The following PCDHA1 variants were observed in gnomAD, a reference collection of about 807,000 sequenced individuals.
PCDHA1 encodes protocadherin alpha 1.
Under a neutral mutation model 61.3 loss-of-function variants are expected in PCDHA1, and 42 were observed. The ratio of observed to expected loss-of-function variants is 0.69; its 90% CI spans 0.54 to 0.89. The LOEUF is 0.89. PCDHA1 is among the 40% of genes least tolerant of loss of function. The pLI is 0.00. For missense variants in PCDHA1, 1,256 were observed against 1,235.3 expected, an observed-to-expected ratio of 1.02 and a Z score of -0.25; for synonymous variants, 610 against 553.8, an observed-to-expected ratio of 1.10 and a Z score of -1.43.
At chr5:140,927,720 G>C (rs782475238) in intron 1 of PCDHA1, 8 of 1,614,056 alleles carry the variant, frequency 5.0e-6, no homozygotes, top group Non-Finnish European at 6.8e-6. Flanking sequence ...GCAACAGCAC[G>C]CAAGCAGAGC....
At chr5:140,856,497 G>GA (rs781946866) in intron 1 of PCDHA1, 1 of 1,598,346 alleles carries the variant, frequency 6.3e-7, no homozygotes, top group Admixed American at 1.7e-5. Flanking sequence ...CTTGACTCTC[G>GA]ATTTCCACTA....
intron 1 of PCDHA1, among the ~76,000 whole-genome samples, chr5:140,944,386 T>C (rs1228891284): frequency 6.6e-6 from 1 of 152,054 alleles, no homozygotes; most frequent in Admixed American, 6.6e-5. Flanking sequence ...GGAGTCTCAC[T>C]GTGTTATCCA....
rs782361286 is a variant in PCDHA1, at chr5:140,876,924, G to T, written c.2394+88240G>T. The T allele has an allele frequency of 4.3e-6, 7 of 1,613,704 alleles. No individual in the cohort carries two copies. The African/African-American group carries it at 5.3e-5, about 12-fold the overall frequency. The stretch of plus-strand genomic sequence containing the variant: ...CGGTGTCGGCATGGGACGCGGACGC[G>T]CAGAAGAACGCGCTGGTGTCCTACT... On this transcript the variant is annotated intron_variant, in intron 1 of 3. Coordinates refer to ENST00000504120, the MANE Select transcript of PCDHA1 (RefSeq NM_018900.4).
At chr5:140,822,168 G>C (rs2150114255) in intron 1 of PCDHA1, 1 of 1,614,262 alleles carries the variant, frequency 6.2e-7, no homozygotes, top group South Asian at 1.1e-5. Context: ...ATCCGCCCAG[G>C]TTCTCCAGAC....
At chr5:140,898,899 C>A (rs1457821018) in intron 1 of PCDHA1, among the ~76,000 whole-genome samples, 2 of 152,072 alleles carry the variant, frequency 1.3e-5, no homozygotes, top group Non-Finnish European at 2.9e-5. Context: ...TTGAAGAGGT[C>A]CTTCACGTCC....
chr5:140,900,062 A>C (rs1221394657), intron 1 of PCDHA1, among the ~76,000 whole-genome samples: 1 of 152,138 alleles, frequency 6.6e-6, no homozygotes, highest in Non-Finnish European at 1.5e-5. Flanking sequence ...CTTTAACCTC[A>C]GCCTCCAAAA....
intron 1 of PCDHA1, among the ~76,000 whole-genome samples, chr5:140,891,452 T>C (rs1554184844): frequency 6.7e-6 from 1 of 150,254 alleles, no homozygotes; most frequent in African/African-American, 2.4e-5. Flanking sequence ...ATAGGATTTT[T>C]GAATTTGTGA....
intron 1 of PCDHA1, chr5:140,871,170 G>A (rs2052777446): frequency 1.2e-6 from 2 of 1,613,536 alleles, no homozygotes; most frequent in Non-Finnish European, 1.7e-6. Context: ...CGAGCCCAGA[G>A]GCTGCGCTGG....
At chr5:140,814,442 C>T (rs985107425) in intron 1 of PCDHA1, 16 of 148,376 alleles carry the variant, frequency 1.1e-4, no homozygotes, top group South Asian at 2.1e-4. Flanking sequence ...TTGTGGTGAC[C>T]TTTTTTCTTT....
At position 140,806,837 on chromosome 5, in the gene PCDHA1, C is replaced by A. The variant is rs1353545411; in HGVS notation, c.2394+18153C>A. The A allele has an allele frequency of 1.5e-5, 4 of 258,238 alleles. No individual in the cohort carries two copies. In the South Asian group the frequency reaches 3.6e-4, roughly 23 times the overall value. 16.0% of individuals were successfully genotyped at this position (258,238 alleles called of 1,614,324 possible). A position where few individuals can be genotyped will look rare whatever the true frequency, so the allele number is the denominator to read the frequency against. On this transcript the variant is annotated intron_variant, in intron 1 of 3. Transcript: ENST00000504120. ...TTGCCCCTATGGCGAAACTAAGGAC[C>A]ACACTCAATCAATCAGTGGTACAAT...
At chr5:140,802,168 A>G (rs1353989161) in intron 1 of PCDHA1, 1 of 1,614,126 alleles carries the variant, frequency 6.2e-7, no homozygotes, top group Non-Finnish European at 8.5e-7. Context: ...GAAGCCACGG[A>G]TAAAGGAAAT....
At chr5:140,890,112 T>C (rs2062493777) in intron 1 of PCDHA1, among the ~76,000 whole-genome samples, 1 of 152,184 alleles carries the variant, frequency 6.6e-6, no homozygotes, top group Non-Finnish European at 1.5e-5. Flanking sequence ...CTGGATTCAA[T>C]GATGTCACTT....
intron 1 of PCDHA1, among the ~76,000 whole-genome samples, chr5:140,975,597 T>C (rs2096674133): frequency 6.6e-6 from 1 of 152,242 alleles, no homozygotes; most frequent in Non-Finnish European, 1.5e-5. Context: ...GAGGGCAATT[T>C]GTTGATGTCT....
At chr5:140,800,761 A>G (rs1762598005) in intron 1 of PCDHA1, among the ~76,000 whole-genome samples, 2 of 152,378 alleles carry the variant, frequency 1.3e-5, no homozygotes, top group South Asian at 4.1e-4. Context: ...CACATGGGAA[A>G]TATTTCCAAT....
rs1562129910 is a variant in PCDHA1 at position 140,786,938 on chromosome 5, T to TG, written c.653dup (p.Lys219GlnfsTer9). The TG allele has an allele frequency of 2.5e-6, 4 of 1,614,022 alleles. No homozygotes were observed. In the Admixed American group the frequency reaches 5.0e-5, roughly 20 times the overall value. On this transcript the variant is annotated frameshift_variant, in exon 1 of 4. Coordinates refer to ENST00000504120, the MANE Select transcript of PCDHA1 (RefSeq NM_018900.4). LOFTEE classifies it high-confidence loss of function. ...TTCACTTATTACTGACTGCCACTGATGGGGGCAAACCGGAGCTGCAAGGTA... is the reference window on the plus strand; with the variant it reads ...TTCACTTATTACTGACTGCCACTGATGGGGGGCAAACCGGAGCTGCAAGGTA...
intron 1 of PCDHA1, chr5:140,861,340 C>T (rs1364602007): frequency 3.6e-6 from 1 of 276,532 alleles, no homozygotes; most frequent in African/African-American, 2.2e-5. Context: ...TGGAAGAGGC[C>T]AAGGACGGCA....
chr5:140,857,748 C>A (rs782353510), intron 1 of PCDHA1: 1 of 1,597,386 alleles, frequency 6.3e-7, no homozygotes, highest in African/African-American at 1.3e-5. Flanking sequence ...CTGCTGGCGT[C>A]TCCCGCTGGC....
At chr5:140,796,462 G>C (rs1315323684) in intron 1 of PCDHA1, 2 of 1,612,476 alleles carry the variant, frequency 1.2e-6, no homozygotes, top group Non-Finnish European at 1.7e-6. Context: ...GCGGCGGGTG[G>C]GCGAGCGCGC....
chr5:140,973,242 ATTC>A (rs1295527172), intron 1 of PCDHA1, among the ~76,000 whole-genome samples: 1 of 152,170 alleles, frequency 6.6e-6, no homozygotes, highest in Non-Finnish European at 1.5e-5. Context: ...GAAAGAGTTA[ATTC>A]TTCTTTCAGT....
Sources: gnomAD v4.1 joint callset for allele counts (sites outside exome capture counted in the v4.1 genomes callset) on GRCh38, gnomAD v4.1.1 for gene constraint, MANE v1.5 for transcripts, NCBI Gene and HGNC (gene_info 2026-07-23, HGNC 2026-07-21) for gene names.